METTL15: variants seen among roughly 807,000 people sequenced by gnomAD.
METTL15 encodes 12S rRNA N(4)-cytidine methyltransferase METTL15.
Under a neutral mutation model 38.3 loss-of-function variants are expected in METTL15, and 34 were observed. The observed-to-expected ratio is 0.89, with a 90% CI of 0.68 to 1.18. METTL15 has a LOEUF of 1.18. METTL15 is among the 50% of genes most tolerant of loss of function. The probability of loss-of-function intolerance (pLI) is 0.00; values close to 1 mark genes in which losing one functional copy is unlikely to be tolerated. For missense variants in METTL15, 438 were observed against 498.4 expected (o/e 0.88, Z 1.15); for synonymous variants, 162 against 170.9 (o/e 0.95, Z 0.41).
intron 3 of METTL15, among the ~76,000 whole-genome samples, chr11:28,345,104 C>A (rs1015373330): frequency 6.6e-6 from 1 of 152,092 alleles, no homozygotes; most frequent in African/African-American, 2.4e-5. Flanking sequence ...AGAAATAATC[C>A]ATTTTTCACC....
intron 6 of METTL15, among the ~76,000 whole-genome samples, chr11:28,446,154 G>A (rs551479616): frequency 6.6e-6 from 1 of 152,298 alleles, no homozygotes; most frequent in East Asian, 1.9e-4. Context: ...AATGCAGGGG[G>A]TGAAGGCCGT....
chr11:28,348,356 C>T (rs1850013920), intron 3 of METTL15, among the ~76,000 whole-genome samples: 1 of 152,108 alleles, frequency 6.6e-6, no homozygotes, highest in African/African-American at 2.4e-5. Flanking sequence ...TACTCTTCTA[C>T]CCATTTATTG....
At chr11:28,163,541 C>T (rs1015687949) in intron 3 of METTL15, 2 of 397,416 alleles carry the variant, frequency 5.0e-6, no homozygotes, top group African/African-American at 2.1e-5. Flanking sequence ...CTCTCTCTCT[C>T]TCTCTCTCTC....
At chr11:28,175,062 A>G (rs1354103040) in intron 3 of METTL15, among the ~76,000 whole-genome samples, 1 of 152,000 alleles carries the variant, frequency 6.6e-6, no homozygotes, top group Non-Finnish European at 1.5e-5. Flanking sequence ...TCATCATTTA[A>G]CATTAGGTAA....
chr11:28,343,858 A>T (rs1333586097), intron 3 of METTL15, among the ~76,000 whole-genome samples: 2 of 152,202 alleles, frequency 1.3e-5, no homozygotes, highest in Non-Finnish European at 2.9e-5. Context: ...ATATAGGGTG[A>T]GACAGATATG....
At chr11:28,440,367 A>G (rs756366810) in intron 6 of METTL15, among the ~76,000 whole-genome samples, 3 of 152,198 alleles carry the variant, frequency 2.0e-5, no homozygotes, top group Non-Finnish European at 4.4e-5. Flanking sequence ...TATCTATAGC[A>G]TTTAACTTTT....
At chr11:28,372,077 G>T (rs893166364) in intron 5 of METTL15, among the ~76,000 whole-genome samples, 2 of 151,980 alleles carry the variant, frequency 1.3e-5, no homozygotes, top group Non-Finnish European at 2.9e-5. Context: ...GATCTCAGTG[G>T]AAATGCTTTC....
At chr11:28,121,604 C>T (rs904427974) in intron 3 of METTL15, among the ~76,000 whole-genome samples, 10 of 151,938 alleles carry the variant, frequency 6.6e-5, no homozygotes, top group African/African-American at 1.7e-4. Context: ...ATTTTAGAAG[C>T]GAATTATCTT....
At chr11:28,280,741 G>A (rs1856024854) in intron 4 of METTL15, among the ~76,000 whole-genome samples, 1 of 147,314 alleles carries the variant, frequency 6.8e-6, no homozygotes, top group East Asian at 2.0e-4. Flanking sequence ...AATGAACTGC[G>A]TTTCATGTCC....
chr11:28,292,609 T>G (rs1393728188), intron 5 of METTL15, among the ~76,000 whole-genome samples: 1 of 152,144 alleles, frequency 6.6e-6, no homozygotes, highest in Non-Finnish European at 1.5e-5. Flanking sequence ...GTATTTGTAG[T>G]TCTAGATGCC....
In METTL15 at chr11:28,223,406, A is replaced by G. The variant is rs182384725; in HGVS notation, c.407+12208A>G. On this transcript the variant is annotated intron_variant, in intron 4 of 6. Transcript: ENST00000407364. ...AAAACACAAATTTGTGTTTGGGAGT[A>G]TTTGTGGCAATAATGGATCGATCAA... Among the ~76,000 whole-genome samples the G allele has an allele frequency of 9.5e-4, 145 of 152,228 alleles. 1 individual carries two copies. In the East Asian group the frequency reaches 0.011, roughly 12 times the overall value.
At chr11:28,111,287 C>T (rs1024347832) in intron 2 of METTL15, among the ~76,000 whole-genome samples, 1 of 152,176 alleles carries the variant, frequency 6.6e-6, no homozygotes, top group African/African-American at 2.4e-5. Flanking sequence ...TCCCCCGCTA[C>T]TCTGCGTTTT....
chr11:28,174,797 A>G (rs1850993246), intron 3 of METTL15, among the ~76,000 whole-genome samples: 1 of 144,726 alleles, frequency 6.9e-6, no homozygotes, highest in Non-Finnish European at 1.5e-5. Context: ...CCTGGGTGAC[A>G]GAGCGAGATT....
chr11:28,267,178 A>AG (rs1247646316), intron 4 of METTL15, among the ~76,000 whole-genome samples: 1 of 151,110 alleles, frequency 6.6e-6, no homozygotes, highest in East Asian at 1.9e-4. Flanking sequence ...AAAAAAAAAA[A>AG]AAAAAGAGTG....
chr11:28,420,313 C>G (rs1850808609), intron 5 of METTL15, among the ~76,000 whole-genome samples: 1 of 152,060 alleles, frequency 6.6e-6, no homozygotes, highest in South Asian at 2.1e-4. Context: ...GACAGATCTT[C>G]CAGACAGAAA....
intron 3 of METTL15, among the ~76,000 whole-genome samples, chr11:28,174,624 C>T (rs543074848): frequency 1.3e-5 from 2 of 151,598 alleles, no homozygotes; most frequent in South Asian, 2.1e-4. Flanking sequence ...ACCATCCTGG[C>T]GAACACGGTG....
chr11:28,124,594 A>G (rs1852391345), intron 3 of METTL15, among the ~76,000 whole-genome samples: 1 of 152,132 alleles, frequency 6.6e-6, no homozygotes, highest in Non-Finnish European at 1.5e-5. Context: ...GGGTGGAGAG[A>G]AACTGTGGTG....
intron 6 of METTL15, among the ~76,000 whole-genome samples, chr11:28,449,117 G>A (rs146907767): frequency 2.0e-4 from 31 of 152,190 alleles, no homozygotes; most frequent in African/African-American, 4.8e-4. Flanking sequence ...GGATCATTGC[G>A]CTATTTTAGC....
At chr11:28,180,196 T>C (rs1851232526) in intron 3 of METTL15, among the ~76,000 whole-genome samples, 1 of 151,896 alleles carries the variant, frequency 6.6e-6, no homozygotes, top group Non-Finnish European at 1.5e-5. Context: ...GTTGAGTGAA[T>C]GAATGAGCAA....
Sources: allele counts gnomAD v4.1 joint callset (sites outside exome capture counted in the v4.1 genomes callset), GRCh38; gene constraint gnomAD v4.1.1; transcripts MANE v1.5; gene names NCBI Gene and HGNC (gene_info 2026-07-23, HGNC 2026-07-21).